The following PLAGL1 variants were observed in gnomAD, a reference collection of about 807,000 sequenced individuals.
The protein encoded by PLAGL1 is zinc finger protein PLAGL1.
Under a neutral mutation model 4.6 loss-of-function variants are expected in PLAGL1, and 1 was observed. The ratio of observed to expected loss-of-function variants is 0.22; its 90% CI spans 0.08 to 1.03. The LOEUF (loss-of-function observed/expected upper bound fraction) is 1.03. Among genes scored for constraint, PLAGL1 ranks in the 50% least tolerant of loss-of-function variants. The pLI, the probability that PLAGL1 is intolerant of heterozygous loss-of-function variation, is 0.58. For missense variants in PLAGL1, 464 were observed against 570.4 expected (o/e 0.81, Z 1.90); for synonymous variants, 240 against 237.8 (o/e 1.01, Z -0.08).
rs1344954324 is a variant in PLAGL1 at position 144,004,182 on chromosome 6, TA to T, written c.-584+3907del. Among the ~76,000 whole-genome samples, 3 of 66,458 alleles carry T rather than the reference TA, an allele frequency of 4.5e-5. No homozygotes were observed. Among genetic ancestry groups the T allele is most frequent in the African/African-American group, 1.1e-4 (2 of 17,642 alleles). The allele number at this position is 66,458 out of a possible 152,430, so 43.6% of individuals were successfully genotyped here. A position where few individuals can be genotyped will look rare whatever the true frequency, so the allele number is the denominator to read the frequency against. ...CCAAATGGGGATAACTATGTTCCAG[TA>T]ATTTTTTTTTTTTTTAAGATGGGGT... On this transcript the variant is annotated intron_variant, in intron 1 of 7. Coordinates refer to ENST00000674357, the MANE Select transcript of PLAGL1 (RefSeq NM_001317162.2). The surrounding 1 kb of genome is among the most constrained non-coding windows in gnomAD (Gnocchi z 4.2).
At position 144,016,423 on chromosome 6, in the gene PLAGL1, A is replaced by G. The variant is rs1795569889; in HGVS notation, c.-150-47445T>C. 1.3e-5 allele frequency among the ~76,000 whole-genome samples: 2 copies of G among 152,230 alleles called. No individual in the cohort carries two copies. Among genetic ancestry groups the G allele is most frequent in the African/African-American group, 4.8e-5 (2 of 41,462 alleles). ...CCTTCCCCAGACCACTGACTCAAAT[A>G]TTAATCTCTTTTGGTAACACTCTCA... On this transcript the variant is annotated intron_variant, in intron 1 of 3. Transcript: ENST00000437412. The surrounding 1 kb of genome is among the most constrained non-coding windows in gnomAD (Gnocchi z 4.2).
At chr6:144,025,924 GC>G (rs1796310601) in intron 1 of PLAGL1, among the ~76,000 whole-genome samples, 1 of 152,000 alleles carries the variant, frequency 6.6e-6, no homozygotes, top group South Asian at 2.1e-4. Flanking sequence ...ACACCTACTT[GC>G]CCAAGTTCTA....
intron 1 of PLAGL1, among the ~76,000 whole-genome samples, chr6:144,024,323 G>A (rs1796186747): frequency 6.6e-6 from 1 of 152,146 alleles, no homozygotes; most frequent in African/African-American, 2.4e-5. Flanking sequence ...GATGTACCTT[G>A]ATGATATGGT....
At chr6:143,980,415 A>G (rs1273580104) in intron 2 of PLAGL1, among the ~76,000 whole-genome samples, 1 of 125,592 alleles carries the variant, frequency 8.0e-6, no homozygotes, top group Non-Finnish European at 1.7e-5. Flanking sequence ...TCCATTCAGT[A>G]TCTCATTTTG....
In PLAGL1 at chr6:144,027,264, A is replaced by AAAGAAAGG. The variant is rs1796432090; in HGVS notation, c.-151+37203_-151+37204insCCTTTCTT. Among the ~76,000 whole-genome samples, 1 of 146,480 alleles carries AAAGAAAGG rather than the reference A, an allele frequency of 6.8e-6. No individual in the cohort carries two copies. The highest frequency in any genetic ancestry group is 2.5e-5 in the African/African-American group (1 of 39,780). On this transcript the variant is annotated intron_variant, in intron 1 of 3. Coordinates refer to the PLAGL1 transcript ENST00000437412. This position sits in a 1 kb window ranked among gnomAD's most constrained non-coding sequence, Gnocchi z 5.8. ...GAAAGAAAGAAAGAAAGAAAGAAAG[A>AAAGAAAGG]AAGAAAGAAAGAAAGAAAGAAAGAA...
Position 143,973,768 on chromosome 6 carries a change from C to A in PLAGL1, c.-543-4790G>T, listed in dbSNP as rs185871585. Among the ~76,000 whole-genome samples the A allele has an allele frequency of 2.4e-3, 364 of 152,364 alleles. 2 individuals carry two copies. The highest frequency in any genetic ancestry group is 8.1e-3 in the African/African-American group (338 of 41,584). On this transcript the variant is annotated intron_variant, in intron 2 of 7. Transcript: ENST00000674357. This position sits in a 1 kb window ranked among gnomAD's most constrained non-coding sequence, Gnocchi z 6.2. Reference sequence around the variant, plus strand: ...CCAGTCGGCTACACCCAATAAGCTACTACAACGTGATGAATTCAGAGCTGC... The same window carrying A: ...CCAGTCGGCTACACCCAATAAGCTAATACAACGTGATGAATTCAGAGCTGC...
At chr6:144,040,291 G>A (rs978406067) in intron 1 of PLAGL1, among the ~76,000 whole-genome samples, 12 of 152,166 alleles carry the variant, frequency 7.9e-5, no homozygotes, top group Admixed American at 6.6e-4. Flanking sequence ...CACTTTGGGA[G>A]GCTGAGGCGG....
At chr6:144,029,257 T>A (rs1010908352) in intron 1 of PLAGL1, among the ~76,000 whole-genome samples, 1 of 152,146 alleles carries the variant, frequency 6.6e-6, no homozygotes, top group Non-Finnish European at 1.5e-5. Context: ...ATTTCCAAGT[T>A]TGCACAAACC....
rs1443863779 is a variant in PLAGL1 at position 143,970,731 on chromosome 6, G to T, written c.-543-1753C>A. 6.6e-6 allele frequency among the ~76,000 whole-genome samples: 1 copy of T among 152,130 alleles called. No homozygotes were observed. The highest frequency in any genetic ancestry group is 1.5e-5 in the Non-Finnish European group (1 of 68,006). On this transcript the variant is annotated intron_variant, in intron 2 of 7. Transcript: ENST00000674357. The surrounding 1 kb of genome is among the most constrained non-coding windows in gnomAD (Gnocchi z 5.8). ...GTCCATCCCCAAACCTATTTTGAGG[G>T]TTTCTCTTAAGTTACTTGAAATTCT...
Position 144,054,702 on chromosome 6 carries a change from T to C in PLAGL1, c.-151+9766A>G, listed in dbSNP as rs1798820298. Reference sequence around the variant, plus strand: ...ATAGTGCAGCAAACCATGGCACACATATACCTATGTAACAAACCTGCACGT... The same window carrying C: ...ATAGTGCAGCAAACCATGGCACACACATACCTATGTAACAAACCTGCACGT... On this transcript the variant is annotated intron_variant, in intron 1 of 3. Coordinates refer to the PLAGL1 transcript ENST00000437412. Among the ~76,000 whole-genome samples the C allele has an allele frequency of 2.0e-5, 3 of 151,822 alleles. No individual in the cohort carries two copies. In the South Asian group the frequency reaches 6.2e-4, roughly 32 times the overall value.
At chr6:143,987,508 T>C (rs1259452397) in intron 1 of PLAGL1, among the ~76,000 whole-genome samples, 1 of 146,590 alleles carries the variant, frequency 6.8e-6, no homozygotes, top group African/African-American at 2.5e-5. Flanking sequence ...CTTGAATTCC[T>C]GGGCCCAAGA....
At position 143,975,740 on chromosome 6, in the gene PLAGL1, T is replaced by C. The variant is rs1203226949; in HGVS notation, c.-543-6762A>G. Among the ~76,000 whole-genome samples, 1 of 152,220 alleles carries C rather than the reference T, an allele frequency of 6.6e-6. No homozygotes were observed. Among genetic ancestry groups the C allele is most frequent in the African/African-American group, 2.4e-5 (1 of 41,460 alleles). On this transcript the variant is annotated intron_variant, in intron 2 of 7. Coordinates refer to ENST00000674357, the MANE Select transcript of PLAGL1 (RefSeq NM_001317162.2). This position sits in a 1 kb window ranked among gnomAD's most constrained non-coding sequence, Gnocchi z 5.8. The stretch of plus-strand genomic sequence containing the variant: ...CTACTTTACAAAACAGAAACACTAA[T>C]TGAAGTGTCGTTTTAAAAGGCTAAT...
At chr6:144,062,498 C>T (rs1356190640) in intron 1 of PLAGL1, among the ~76,000 whole-genome samples, 1 of 111,028 alleles carries the variant, frequency 9.0e-6, no homozygotes, top group African/African-American at 3.5e-5. Flanking sequence ...AAAAAAAACA[C>T]AGATTTGACT....
intron 1 of PLAGL1, among the ~76,000 whole-genome samples, chr6:144,019,168 C>T (rs1795785096): frequency 6.6e-6 from 1 of 152,068 alleles, no homozygotes; most frequent in Non-Finnish European, 1.5e-5. Flanking sequence ...AAAGTGATCC[C>T]TGGATTTTTA....
intron 1 of PLAGL1, among the ~76,000 whole-genome samples, chr6:144,040,256 C>T (rs1485215470): frequency 1.3e-5 from 2 of 152,108 alleles, no homozygotes; most frequent in Non-Finnish European, 2.9e-5. Flanking sequence ...AGGCCAGGCA[C>T]GGTGGCTCAC....
chr6:143,986,719 T>G (rs1440178369), intron 1 of PLAGL1, among the ~76,000 whole-genome samples: 2 of 152,240 alleles, frequency 1.3e-5, no homozygotes, highest in African/African-American at 4.8e-5. Flanking sequence ...TATTCTCTTC[T>G]GTGAAACTAC....
chr6:144,018,500 T>A (rs774055409), intron 1 of PLAGL1, among the ~76,000 whole-genome samples: 1 of 152,206 alleles, frequency 6.6e-6, no homozygotes, highest in Non-Finnish European at 1.5e-5. Flanking sequence ...TATTGTATAC[T>A]TGAAAATTGC....
intron 1 of PLAGL1, among the ~76,000 whole-genome samples, chr6:144,030,431 T>C (rs992717089): frequency 6.6e-6 from 1 of 152,108 alleles, no homozygotes; most frequent in Non-Finnish European, 1.5e-5. Flanking sequence ...TTCTGAGATT[T>C]TGGTGCACCC....
rs891708876 is a variant in PLAGL1, at chr6:143,952,109, GACA to G, written c.-324-3652_-324-3650del. The stretch of plus-strand genomic sequence containing the variant: ...GGTCAAAGCTTAGCTATTAAAAAAC[GACA>G]ACAACAACAACAACAACTGTGGGTA... On this transcript the variant is annotated intron_variant, in intron 6 of 7. Transcript: ENST00000674357. The surrounding 1 kb of genome is among the most constrained non-coding windows in gnomAD (Gnocchi z 6.1). 7.9e-5 allele frequency among the ~76,000 whole-genome samples: 12 copies of G among 151,954 alleles called. No individual in the cohort carries two copies. Among genetic ancestry groups the G allele is most frequent in the South Asian group, 4.2e-4 (2 of 4,806 alleles).
Sources: allele counts gnomAD v4.1 joint callset (sites outside exome capture counted in the v4.1 genomes callset), GRCh38; gene constraint gnomAD v4.1.1; non-coding constraint Gnocchi (gnomAD v3.1); transcripts MANE v1.5; gene names NCBI Gene and HGNC (gene_info 2026-07-23, HGNC 2026-07-21).